The following MAPK10 variants were observed in gnomAD, a reference collection of about 807,000 sequenced individuals.
MAPK10 encodes the protein JNK3 alpha protein kinase.
Under a neutral mutation model 59.3 loss-of-function variants are expected in MAPK10, and 25 were observed. The ratio of observed to expected loss-of-function variants is 0.42; its 90% CI spans 0.31 to 0.59. The LOEUF (loss-of-function observed/expected upper bound fraction) is 0.59. Ranked by LOEUF, MAPK10 falls within the 20% of genes least tolerant of loss-of-function variation. MAPK10 has a pLI of 0.15. For missense variants in MAPK10, 351 were observed against 568.9 expected (o/e 0.62, Z 3.90); for synonymous variants, 190 against 200.5 (o/e 0.95, Z 0.44).
chr4:86,546,866 C>T (rs1457277918), intron 1 of MAPK10, among the ~76,000 whole-genome samples: 1 of 152,062 alleles, frequency 6.6e-6, no homozygotes, highest in East Asian at 1.9e-4. Context: ...ACCATCCTGG[C>T]TAACACAGTG....
intron 11 of MAPK10, among the ~76,000 whole-genome samples, chr4:86,059,967 C>T (rs1185010007): frequency 6.6e-6 from 1 of 152,140 alleles, no homozygotes; most frequent in Non-Finnish European, 1.5e-5. Flanking sequence ...TGCCAGCTGC[C>T]CAAGCAGCTC....
At position 86,423,533 on chromosome 4, in the gene MAPK10, T is replaced by C. The variant is rs938689974; in HGVS notation, c.-122+29497A>G. ...ATTCTGTGGTTGTCCTTAATGGCTA[T>C]GGCAGTTAGCTGGTAAGTTACAGAA... is the stretch of plus-strand genomic sequence containing the variant. On this transcript the variant is annotated intron_variant, in intron 1 of 13. Coordinates refer to the MAPK10 transcript ENST00000361569. Among the ~76,000 whole-genome samples, 8 of 152,226 alleles carry C rather than the reference T, an allele frequency of 5.3e-5. 1 individual carries two copies. The South Asian group carries it at 1.2e-3, about 24-fold the overall frequency.
chr4:86,117,105 G>T (rs904269088), intron 4 of MAPK10, among the ~76,000 whole-genome samples: 1 of 152,202 alleles, frequency 6.6e-6, no homozygotes, highest in Non-Finnish European at 1.5e-5. Context: ...AAAAAGCTTT[G>T]TTAAACTTTA....
chr4:86,229,262 C>T (rs1309949212), intron 2 of MAPK10, among the ~76,000 whole-genome samples: 2 of 152,090 alleles, frequency 1.3e-5, no homozygotes, highest in African/African-American at 2.4e-5. Context: ...TTACTGCCCA[C>T]ACCCCCAATA....
At chr4:86,316,920 A>T (rs1379340911) in intron 2 of MAPK10, among the ~76,000 whole-genome samples, 2 of 151,930 alleles carry the variant, frequency 1.3e-5, no homozygotes, top group Admixed American at 6.6e-5. Context: ...GGATTTTTTA[A>T]TGCTGGATTT....
At chr4:86,540,097 G>A (rs536372828) in intron 1 of MAPK10, among the ~76,000 whole-genome samples, 21 of 152,154 alleles carry the variant, frequency 1.4e-4, no homozygotes, top group Non-Finnish European at 1.9e-4. Context: ...TCCATCCATT[G>A]GGTCAATCAG....
At chr4:86,556,330 TA>T (rs1760264725) in intron 1 of MAPK10, among the ~76,000 whole-genome samples, 1 of 152,194 alleles carries the variant, frequency 6.6e-6, no homozygotes. Context: ...CCTTCACAGG[TA>T]AAACATTCTG....
At chr4:86,265,671 T>TA (rs61028224) in intron 2 of MAPK10, among the ~76,000 whole-genome samples, 53,367 of 151,724 alleles carry the variant, frequency 0.35, 12,045 homozygotes, top group African/African-American at 0.65. Context: ...TTTCGGGCAG[T>TA]AAGAGAAGAG....
intron 1 of MAPK10, among the ~76,000 whole-genome samples, chr4:86,494,342 C>T (rs1229528699): frequency 1.3e-5 from 2 of 152,180 alleles, no homozygotes; most frequent in Non-Finnish European, 2.9e-5. Context: ...CAGGGAAACT[C>T]TAGGTAAACA....
chr4:86,363,849 C>T (rs1737397517), upstream of MAPK10, among the ~76,000 whole-genome samples: 1 of 151,882 alleles, frequency 6.6e-6, no homozygotes, highest in Admixed American at 6.6e-5. Context: ...GTGGTGCAAT[C>T]ACAGCTCACT....
chr4:86,589,552 T>G (rs1039937602), intron 1 of MAPK10, among the ~76,000 whole-genome samples: 1 of 151,726 alleles, frequency 6.6e-6, no homozygotes, highest in Non-Finnish European at 1.5e-5. Flanking sequence ...CGTGGTGGCT[T>G]GTGCCTGTAA....
chr4:86,324,272 A>G (rs1019607998), intron 2 of MAPK10, among the ~76,000 whole-genome samples: 2 of 152,024 alleles, frequency 1.3e-5, no homozygotes, highest in African/African-American at 4.8e-5. Context: ...TTAGCCAGGC[A>G]TGGTGGTGCC....
In MAPK10 at chr4:86,301,567, A is replaced by T. The variant is rs530305755; in HGVS notation, c.-7+52963T>A. Among the ~76,000 whole-genome samples the T allele has an allele frequency of 1.4e-4, 21 of 152,274 alleles. No individual in the cohort carries two copies. In the South Asian group the frequency reaches 4.4e-3, roughly 32 times the overall value. ...CCTCTTTAATGAAGGGAAGAGTCTA[A>T]TAGACTTCTTCCAGGAAATTTGACG... On this transcript the variant is annotated intron_variant, in intron 2 of 13. Transcript: ENST00000641462.
rs139236273 is a variant in MAPK10, at chr4:86,041,717, A to G, written c.1111-10286T>C. ...TTATGTGGCCAACAAACATGTGAAA[A>G]AAAGCTCATCATCACTGGTCATTGG... On this transcript the variant is annotated intron_variant, in intron 11 of 13. Coordinates refer to ENST00000641462, the MANE Select transcript of MAPK10 (RefSeq NM_138982.4). Among the ~76,000 whole-genome samples the G allele has an allele frequency of 1.3e-3, 199 of 152,350 alleles. 1 individual carries two copies. The highest frequency in any genetic ancestry group is 4.7e-3 in the African/African-American group (194 of 41,582).
At chr4:86,173,288 A>C (rs2074831714) in intron 3 of MAPK10, among the ~76,000 whole-genome samples, 1 of 152,162 alleles carries the variant, frequency 6.6e-6, no homozygotes, top group African/African-American at 2.4e-5. Flanking sequence ...GATCAATTGA[A>C]CAGAATAGAG....
intron 1 of MAPK10, among the ~76,000 whole-genome samples, chr4:86,463,961 G>C (rs1011054240): frequency 1.3e-5 from 2 of 152,204 alleles, no homozygotes; most frequent in African/African-American, 4.8e-5. Flanking sequence ...ATCTTGTAGA[G>C]TGGCTTTTTC....
At chr4:86,112,161 C>T (rs1198969701) in intron 4 of MAPK10, among the ~76,000 whole-genome samples, 2 of 149,702 alleles carry the variant, frequency 1.3e-5, no homozygotes, top group African/African-American at 5.0e-5. Context: ...AAAAAAAAAA[C>T]CAGCTCCTGA....
chr4:86,210,662 T>C (rs529135057), intron 2 of MAPK10, among the ~76,000 whole-genome samples: 30 of 151,476 alleles, frequency 2.0e-4, no homozygotes, highest in Non-Finnish European at 3.4e-4. Context: ...TTAAAAGGAA[T>C]AACGTTGTTT....
At chr4:86,422,271 A>C (rs1163033888) in intron 1 of MAPK10, among the ~76,000 whole-genome samples, 1 of 152,202 alleles carries the variant, frequency 6.6e-6, no homozygotes, top group African/African-American at 2.4e-5. Context: ...GTTTTAACTG[A>C]ATGGATGGAT....
Sources: allele counts gnomAD v4.1 joint callset (sites outside exome capture counted in the v4.1 genomes callset), GRCh38; gene constraint gnomAD v4.1.1; transcripts MANE v1.5; gene names NCBI Gene and HGNC (gene_info 2026-07-23, HGNC 2026-07-21).